RABGAP1L: variants seen among roughly 807,000 people sequenced by gnomAD.
RABGAP1L encodes rab GTPase-activating protein 1-like.
RABGAP1L carries 63 observed loss-of-function variants against 137.7 expected under a neutral mutation model. The observed-to-expected ratio is 0.46, with a 90% CI of 0.37 to 0.56. RABGAP1L has a LOEUF of 0.56. RABGAP1L is among the 20% of genes least tolerant of loss of function. RABGAP1L has a pLI of 0.00. For missense variants in RABGAP1L, 1,095 were observed against 1,244.0 expected (o/e 0.88, Z 1.80); for synonymous variants, 431 against 433.7 (o/e 0.99, Z 0.08).
intron 19 of RABGAP1L, among the ~76,000 whole-genome samples, chr1:174,843,110 A>G (rs540656141): frequency 6.6e-6 from 1 of 152,194 alleles, no homozygotes; most frequent in East Asian, 1.9e-4. Context: ...CTGGAGTAGT[A>G]ATTTTAATTA....
intron 23 of RABGAP1L, among the ~76,000 whole-genome samples, chr1:174,981,670 A>T (rs542152220): frequency 7.0e-6 from 1 of 143,826 alleles, no homozygotes; most frequent in Non-Finnish European, 1.5e-5. Context: ...GGCTCAAGCG[A>T]TCCTCCCACC....
At chr1:174,581,582 G>A (rs925951470) in intron 13 of RABGAP1L, among the ~76,000 whole-genome samples, 8 of 152,160 alleles carry the variant, frequency 5.3e-5, no homozygotes, top group African/African-American at 1.7e-4. Flanking sequence ...AAGATACGAT[G>A]TTTATTTTGG....
chr1:174,696,033 C>A (rs1679231097), intron 15 of RABGAP1L, among the ~76,000 whole-genome samples: 1 of 152,144 alleles, frequency 6.6e-6, no homozygotes, highest in South Asian at 2.1e-4. Flanking sequence ...CTGGGACTGG[C>A]TACTATGGCT....
intron 3 of RABGAP1L, among the ~76,000 whole-genome samples, chr1:174,229,856 T>C (rs1192342699): frequency 6.6e-6 from 1 of 152,182 alleles, no homozygotes; most frequent in Admixed American, 6.5e-5. Flanking sequence ...ACTTCCACAA[T>C]GGTTGAACTA....
At chr1:174,808,628 G>C (rs1446630800) in intron 18 of RABGAP1L, among the ~76,000 whole-genome samples, 1 of 150,778 alleles carries the variant, frequency 6.6e-6, no homozygotes. Flanking sequence ...TGTTTTTTTG[G>C]TGTGTGTGTG....
At chr1:174,975,403 C>T (rs1670560646) in intron 21 of RABGAP1L, among the ~76,000 whole-genome samples, 1 of 152,172 alleles carries the variant, frequency 6.6e-6, no homozygotes, top group African/African-American at 2.4e-5. Flanking sequence ...GTTAAATAGA[C>T]ATCATCATTC....
At chr1:174,503,888 G>A (rs1160338283) in intron 13 of RABGAP1L, among the ~76,000 whole-genome samples, 3 of 151,770 alleles carry the variant, frequency 2.0e-5, no homozygotes, top group Non-Finnish European at 2.9e-5. Context: ...AATATATCCT[G>A]TGTTCATAGA....
intron 7 of RABGAP1L, among the ~76,000 whole-genome samples, chr1:174,253,688 G>A (rs913218832): frequency 1.3e-5 from 2 of 152,122 alleles, no homozygotes; most frequent in Non-Finnish European, 2.9e-5. Context: ...TGGGCAATCT[G>A]AACAACAAAA....
intron 1 of RABGAP1L, among the ~76,000 whole-genome samples, chr1:174,176,741 A>AAAAAAAAAAAAAAAAAT (rs755688394): frequency 2.2e-4 from 25 of 111,774 alleles, no homozygotes; most frequent in African/African-American, 4.3e-4. Context: ...AAAAAAAAAA[A>AAAAAAAAAAAAAAAAAT]AAAAAGGTCA....
chr1:174,635,293 T>C (rs1229797780), intron 13 of RABGAP1L, among the ~76,000 whole-genome samples: 1 of 152,140 alleles, frequency 6.6e-6, no homozygotes, highest in East Asian at 1.9e-4. Context: ...TAGGCACATA[T>C]TTACCCCTGA....
chr1:174,402,898 A>C (rs892757887), intron 13 of RABGAP1L, among the ~76,000 whole-genome samples: 14 of 152,148 alleles, frequency 9.2e-5, no homozygotes, highest in Admixed American at 7.9e-4. Context: ...GGGCAAGTCA[A>C]ATTTTATGTA....
intron 19 of RABGAP1L, chr1:174,945,793 G>A (rs994561902): frequency 1.3e-5 from 2 of 152,232 alleles, no homozygotes; most frequent in Non-Finnish European, 2.9e-5. Context: ...CTCAAAAAAT[G>A]TTCCATCTAA....
chr1:174,867,049 C>T, intron 19 of RABGAP1L, among the ~76,000 whole-genome samples: 1 of 151,458 alleles, frequency 6.6e-6, no homozygotes, highest in East Asian at 2.0e-4. Flanking sequence ...AAATGCATCA[C>T]TGCACTCCAG....
intron 13 of RABGAP1L, among the ~76,000 whole-genome samples, chr1:174,479,780 G>A (rs1658899985): frequency 6.6e-6 from 1 of 152,158 alleles, no homozygotes; most frequent in African/African-American, 2.4e-5. Context: ...TAACCCTAGA[G>A]GAGTCTTAAT....
intron 13 of RABGAP1L, among the ~76,000 whole-genome samples, chr1:174,400,611 C>G (rs1648453813): frequency 6.6e-6 from 1 of 152,088 alleles, no homozygotes; most frequent in Non-Finnish European, 1.5e-5. Flanking sequence ...GAAGCAATGT[C>G]TTTTTTGTAG....
chr1:174,754,662 CAG>C (rs1451203218), intron 18 of RABGAP1L, among the ~76,000 whole-genome samples: 1 of 152,008 alleles, frequency 6.6e-6, no homozygotes, highest in Admixed American at 6.6e-5. Context: ...CCACCATGCC[CAG>C]CTAATTTTAA....
intron 17 of RABGAP1L, among the ~76,000 whole-genome samples, chr1:174,723,277 G>T (rs773448149): frequency 1.4e-4 from 22 of 152,098 alleles, no homozygotes; most frequent in Non-Finnish European, 2.8e-4. Flanking sequence ...GTTTCACCAT[G>T]TTGGCCAGGC....
intron 11 of RABGAP1L, chr1:174,365,334 G>A (rs1450167882): frequency 2.6e-5 from 4 of 152,136 alleles, no homozygotes; most frequent in African/African-American, 9.7e-5. Context: ...ATTAATCATG[G>A]TTTCTCAGTT....
intron 17 of RABGAP1L, among the ~76,000 whole-genome samples, chr1:174,718,501 T>A (rs369083794): frequency 6.6e-6 from 1 of 152,176 alleles, no homozygotes; most frequent in African/African-American, 2.4e-5. Flanking sequence ...CAAGAAAGGA[T>A]GATAGAGGAA....
Sources: gnomAD v4.1 joint callset for allele counts (sites outside exome capture counted in the v4.1 genomes callset) on GRCh38, gnomAD v4.1.1 for gene constraint, MANE v1.5 for transcripts, NCBI Gene and HGNC (gene_info 2026-07-23, HGNC 2026-07-21) for gene names.